Variants in DNAJC17 observed in about 807,000 individuals in gnomAD.
DNAJC17 encodes DnaJ heat shock protein family (Hsp40) member C17.
Under a neutral mutation model 48.1 loss-of-function variants are expected in DNAJC17, and 35 were observed. That is an observed-to-expected ratio of 0.73 (90% CI 0.56 to 0.96). The LOEUF is 0.96. Ranked by LOEUF, DNAJC17 falls within the 50% of genes least tolerant of loss-of-function variation. DNAJC17 has a pLI of 0.00. For missense variants in DNAJC17, 355 were observed against 377.1 expected (o/e 0.94, Z 0.48); for synonymous variants, 117 against 142.7 (o/e 0.82, Z 1.28).
At position 40,793,986 on chromosome 15, in the gene DNAJC17, A is replaced by T. The variant is rs574726845; in HGVS notation, c.78+13383T>A. ...AGGTGATTATGAAGGCACATTTACA[A>T]TTCTAACATCTGTATCATGATTTCC... On this transcript the variant is annotated intron_variant, in intron 1 of 10. Transcript: ENST00000220496. 1.8e-3 allele frequency among the ~76,000 whole-genome samples: 271 copies of T among 152,340 alleles called. 2 individuals carry two copies. Among genetic ancestry groups the T allele is most frequent in the African/African-American group, 6.4e-3 (266 of 41,574 alleles).
intron 1 of DNAJC17, among the ~76,000 whole-genome samples, chr15:40,802,983 G>A (rs1381198713): frequency 6.6e-6 from 1 of 151,908 alleles, no homozygotes; most frequent in African/African-American, 2.4e-5. Flanking sequence ...CACACCTGTG[G>A]TCCCAGCTAC....
chr15:40,806,968 A>C, intron 1 of DNAJC17: 1 of 380,910 alleles, frequency 2.6e-6, no homozygotes, highest in Non-Finnish European at 4.8e-6. Context: ...CTTTCGTTCT[A>C]GGCTCTTAGT....
intron 1 of DNAJC17, among the ~76,000 whole-genome samples, chr15:40,806,464 G>GC (rs981518394): frequency 3.6e-4 from 55 of 152,098 alleles, no homozygotes; most frequent in African/African-American, 1.3e-3. Context: ...TGATCCGCCC[G>GC]CCTCGGCCTC....
At chr15:40,783,190 A>G (rs1045345371) in intron 1 of DNAJC17, among the ~76,000 whole-genome samples, 2 of 152,018 alleles carry the variant, frequency 1.3e-5, no homozygotes, top group Non-Finnish European at 1.5e-5. Flanking sequence ...AACATATTTT[A>G]TATTTCAGGG....
chr15:40,784,975 G>A (rs138720321), intron 1 of DNAJC17, among the ~76,000 whole-genome samples: 1 of 152,174 alleles, frequency 6.6e-6, no homozygotes, highest in African/African-American at 2.4e-5. Flanking sequence ...GTGGGAGCCT[G>A]TAATCCCAGC....
At chr15:40,800,508 ACAGACAG>A (rs1890050347) in intron 1 of DNAJC17, among the ~76,000 whole-genome samples, 9 of 148,326 alleles carry the variant, frequency 6.1e-5, no homozygotes, top group Admixed American at 6.0e-4. Context: ...TAATTTTTTT[ACAGACAG>A]AGTTTCACTC....
At chr15:40,779,662 G>C in intron 2 of DNAJC17, 59 bp from the exon 3 acceptor site, 1 of 1,539,154 alleles carries the variant, frequency 6.5e-7, no homozygotes, top group Non-Finnish European at 8.8e-7. Flanking sequence ...GTAATGGTGT[G>C]CTCCCTCAAA....
Position 40,779,611 on chromosome 15 carries a change from T to C in DNAJC17, c.149-8A>G. The stretch of plus-strand genomic sequence containing the variant: ...GCTGGTGGAAGAGTTCAGCTAAACA[T>C]AAGGATCAAAAAGACAGAAGAAAAA... On this transcript the variant is annotated splice_polypyrimidine_tract_variant and splice_region_variant and intron_variant, in intron 2 of 10. Transcript: ENST00000220496. The C allele has an allele frequency of 2.5e-6, 4 of 1,612,136 alleles. No homozygotes were observed. Among genetic ancestry groups the C allele is most frequent in the Non-Finnish European group, 3.4e-6 (4 of 1,179,680 alleles).
At chr15:40,792,527 A>G (rs1889833110) in intron 1 of DNAJC17, 1 of 985,324 alleles carries the variant, frequency 1.0e-6, no homozygotes, top group South Asian at 4.7e-5. Flanking sequence ...ACAGAAGAGA[A>G]AGACAGGCTG....
chr15:40,794,903 G>A lies in DNAJC17; in HGVS notation c.78+12466C>T, dbSNP rs1023387383. Among the ~76,000 whole-genome samples the A allele has an allele frequency of 5.7e-4, 86 of 152,110 alleles. 1 individual carries two copies. Among genetic ancestry groups the A allele is most frequent in the African/African-American group, 2.0e-3 (83 of 41,506 alleles). ...CAGCTAATTTTTTGTATTTTTAGTA[G>A]AGATGGGGTTTCGTCGTGTTGGCCA... is the stretch of plus-strand genomic sequence containing the variant. On this transcript the variant is annotated intron_variant, in intron 1 of 10. Transcript: ENST00000220496.
At chr15:40,782,147 CCG>C (rs1232181895) in intron 1 of DNAJC17, among the ~76,000 whole-genome samples, 1 of 151,810 alleles carries the variant, frequency 6.6e-6, no homozygotes, top group African/African-American at 2.4e-5. Flanking sequence ...TCACTGGAGC[CCG>C]GGAGGTTGAA....
At chr15:40,776,390 G>A in intron 5 of DNAJC17, 98 bp from the exon 6 acceptor site, 1 of 1,472,378 alleles carries the variant, frequency 6.8e-7, no homozygotes, top group Non-Finnish European at 9.4e-7. Context: ...CTGCAAGCTA[G>A]GGCTCAGCAA....
chr15:40,800,303 G>C (rs1890045717), intron 1 of DNAJC17, among the ~76,000 whole-genome samples: 1 of 152,042 alleles, frequency 6.6e-6, no homozygotes, highest in Admixed American at 6.6e-5. Flanking sequence ...ACTGACCTCA[G>C]GTGATCCACC....
At chr15:40,782,692 G>A (rs1264460681) in intron 1 of DNAJC17, among the ~76,000 whole-genome samples, 2 of 152,090 alleles carry the variant, frequency 1.3e-5, no homozygotes, top group African/African-American at 4.8e-5. Flanking sequence ...ACACCCAAGT[G>A]TGCTAAATAA....
At chr15:40,775,169 G>A in intron 7 of DNAJC17, 61 bp from the exon 8 acceptor site, 2 of 1,562,400 alleles carry the variant, frequency 1.3e-6, no homozygotes, top group Middle Eastern at 1.7e-4. Flanking sequence ...CCCCACGACT[G>A]AGCTTGACAG....
rs1412901305 is a variant in DNAJC17, at chr15:40,769,564, C to T, written c.793-1502G>A. On this transcript the variant is annotated intron_variant, in intron 10 of 10. Transcript: ENST00000220496. This position sits in a 1 kb window ranked among gnomAD's most constrained non-coding sequence, Gnocchi z 4.2. ...TGGCGCTGCTCCCCATTAACACACC[C>T]TCTGCCCCCCTTCCTGTTCCTGCTC... 6.6e-6 allele frequency among the ~76,000 whole-genome samples: 1 copy of T among 152,266 alleles called. No homozygotes were observed. The highest frequency in any genetic ancestry group is 1.5e-5 in the Non-Finnish European group (1 of 68,042).
In DNAJC17 at chr15:40,767,959, T is replaced by C. The variant is rs1596069204; in HGVS notation, c.896A>G (p.Gln299Arg). The change falls in exon 11 of 11, where the codon CAG becomes CGG. Residue 299 changes from glutamine to arginine, a missense_variant. Gln to Arg is a conservative substitution (Grantham distance 43). Coordinates refer to ENST00000220496, the MANE Select transcript of DNAJC17 (RefSeq NM_018163.3). ...CTGGGGCTACGTAGGCGGCCCCTCC[T>C]GGTCTTCCTGCTGCATCCGTGCGAT... ...QLIARMQQED[Q>R]EGPPT The C allele has an allele frequency of 1.2e-6, 2 of 1,612,988 alleles. No individual in the cohort carries two copies. The highest frequency in any genetic ancestry group is 1.1e-5 in the South Asian group (1 of 91,016).
Position 40,767,584 on chromosome 15 carries a change from G to A in DNAJC17, c.*356C>T. On this transcript the variant is annotated 3_prime_UTR_variant, in exon 11 of 11. Coordinates refer to ENST00000220496, the MANE Select transcript of DNAJC17 (RefSeq NM_018163.3). ...AGCTGCCCTCCTGCTTCGGGCCTGG[G>A]CCGAGGGCCTTGTGTAGGCCATGTT... 1.7e-6 allele frequency: 1 copy of A among 599,214 alleles called. No individual in the cohort carries two copies. Among genetic ancestry groups the A allele is most frequent in the South Asian group, 2.3e-5 (1 of 42,694 alleles). The allele number at this position is 599,214 out of a possible 1,614,324, so 37.1% of individuals were successfully genotyped here.
At chr15:40,774,965 G>T in intron 8 of DNAJC17, 66 bp downstream of exon 8, 1 of 1,533,752 alleles carries the variant, frequency 6.5e-7, no homozygotes, top group South Asian at 1.1e-5. Flanking sequence ...TGAGAGCAGA[G>T]ACCTAGGGTG....
Sources: gnomAD v4.1 joint callset for allele counts (sites outside exome capture counted in the v4.1 genomes callset) on GRCh38, gnomAD v4.1.1 for gene constraint, Gnocchi (gnomAD v3.1) non-coding constraint, MANE v1.5 for transcripts, NCBI Gene and HGNC (gene_info 2026-07-23, HGNC 2026-07-21) for gene names.